The following EVC2 variants were observed in gnomAD, a reference collection of about 807,000 sequenced individuals.
EVC2 encodes the protein limbin.
In EVC2, 148 loss-of-function variants were observed where a neutral mutation model predicts 149.3. The observed-to-expected ratio is 0.99, with a 90% confidence interval of 0.87 to 1.14. The LOEUF (loss-of-function observed/expected upper bound fraction) is 1.14, where lower values mean the gene tolerates loss of function less well. EVC2 is among the 50% of genes most tolerant of loss of function. EVC2 has a pLI of 0.00. For missense variants in EVC2, 1,854 were observed against 1,627.3 expected, an observed-to-expected ratio of 1.14 and a Z score of -2.40; for synonymous variants, 776 against 649.9, an observed-to-expected ratio of 1.19 and a Z score of -2.95.
At chr4:5,680,561 C>T (rs1045789114) in intron 7 of EVC2, among the ~76,000 whole-genome samples, 4 of 152,220 alleles carry the variant, frequency 2.6e-5, no homozygotes, top group African/African-American at 7.2e-5. Flanking sequence ...AGAGAATCAC[C>T]GAACCCGGGG....
At chr4:5,601,543 A>C (rs1713982449) in intron 16 of EVC2, among the ~76,000 whole-genome samples, 1 of 151,622 alleles carries the variant, frequency 6.6e-6, no homozygotes, top group Non-Finnish European at 1.5e-5. Flanking sequence ...ACAATGGACG[A>C]GAGGTCAACA....
At position 5,567,059 on chromosome 4, in the gene EVC2, C is replaced by T. The variant is rs921119278; in HGVS notation, c.3557+1385G>A. On this transcript the variant is annotated intron_variant, in intron 20 of 21. Coordinates refer to ENST00000344408, the MANE Select transcript of EVC2 (RefSeq NM_147127.5). This position sits in a 1 kb window ranked among gnomAD's most constrained non-coding sequence, Gnocchi z 4.4. ...ACTGTCATCCTGTCACTGGACATTC[C>T]GTTTGGCAGAGGTGGCCTCCTTCTG... Among the ~76,000 whole-genome samples the T allele has an allele frequency of 5.3e-5, 8 of 152,230 alleles. No individual in the cohort carries two copies. The highest frequency in any genetic ancestry group is 2.1e-4 in the South Asian group (1 of 4,812).
intron 1 of EVC2, among the ~76,000 whole-genome samples, chr4:5,703,449 G>A (rs1479607112): frequency 6.6e-6 from 1 of 152,114 alleles, no homozygotes; most frequent in Non-Finnish European, 1.5e-5. Context: ...GAAGCATCAA[G>A]AGTACCCAAT....
In EVC2 at chr4:5,543,533, C is replaced by G. The variant is rs113096421; in HGVS notation, c.3420-321G>C. On this transcript the variant is annotated intron_variant and NMD_transcript_variant, in intron 21 of 22. Transcript: ENST00000475313. Reference sequence around the variant, plus strand: ...AGTATACCACAAATAACAAAATTGGCAAAAATACATTACAAATAAAAACCA... The same window carrying G: ...AGTATACCACAAATAACAAAATTGGGAAAAATACATTACAAATAAAAACCA... 4.7e-3 allele frequency among the ~76,000 whole-genome samples: 719 copies of G among 152,108 alleles called. 6 individuals carry two copies. Among genetic ancestry groups the G allele is most frequent in the African/African-American group, 0.016 (684 of 41,496 alleles).
rs1011210184 is a variant in EVC2, at chr4:5,615,298, T to A, written c.2829+124A>T. On this transcript the variant is annotated intron_variant, in intron 16 of 21. Transcript: ENST00000344408. ...TTTCTTACCTTAGCACCTGAGTGAG[T>A]GAGCGGTTGGGTGGAGATGGATGGC... is the stretch of plus-strand genomic sequence containing the variant. 14 of 1,493,936 alleles carry A rather than the reference T, an allele frequency of 9.4e-6. No individual in the cohort carries two copies. In the Admixed American group the frequency reaches 2.7e-4, roughly 28 times the overall value. The allele number at this position is 1,493,936 out of a possible 1,614,324, so 92.5% of individuals were successfully genotyped here.
At position 5,608,944 on chromosome 4, in the gene EVC2, A is replaced by T. The variant is rs552800150; in HGVS notation, c.2829+6478T>A. 2.2e-4 allele frequency among the ~76,000 whole-genome samples: 33 copies of T among 152,230 alleles called. 1 individual carries two copies. In the South Asian group the frequency reaches 6.2e-3, roughly 29 times the overall value. On this transcript the variant is annotated intron_variant, in intron 16 of 21. Coordinates refer to ENST00000344408, the MANE Select transcript of EVC2 (RefSeq NM_147127.5). ...AGAACAGAAAGTTGGGAAAAGGGTG[A>T]ATTCTCTTTCTCTTCCGGAGCTGGG...
intron 16 of EVC2, 108 bp from the exon 17 acceptor site, chr4:5,584,958 C>T: frequency 8.1e-7 from 1 of 1,236,786 alleles, no homozygotes; most frequent in Non-Finnish European, 1.2e-6. Context: ...CTGAGGACCA[C>T]CAAAAGTTTA....
At chr4:5,559,955 G>C (rs955358046), downstream of EVC2, among the ~76,000 whole-genome samples, 3 of 152,072 alleles carry the variant, frequency 2.0e-5, no homozygotes, top group African/African-American at 7.2e-5. The surrounding 1 kb of genome is among the most constrained non-coding windows in gnomAD (Gnocchi z 5.0). Context: ...ATCTGGGGGA[G>C]TCGTAAGCAC....
intron 6 of EVC2, among the ~76,000 whole-genome samples, chr4:5,684,763 G>C (rs1384130477): frequency 2.0e-5 from 3 of 152,192 alleles, no homozygotes; most frequent in Non-Finnish European, 4.4e-5. Flanking sequence ...TGCATTTGGA[G>C]ACAGGGTCTT....
rs1553827473 is a variant in EVC2 at position 5,610,795 on chromosome 4, T to TTTTC, written c.2829+4626_2829+4627insGAAA. 1.4e-3 allele frequency among the ~76,000 whole-genome samples: 71 copies of TTTTC among 51,424 alleles called. No individual in the cohort carries two copies. In the African/African-American group the frequency reaches 0.016, roughly 12 times the overall value. The allele number at this position is 51,424 out of a possible 152,430, so 33.7% of individuals were successfully genotyped here. On this transcript the variant is annotated intron_variant, in intron 16 of 21. Coordinates refer to ENST00000344408, the MANE Select transcript of EVC2 (RefSeq NM_147127.5). ...TATGTCTTGCTCCTTTTTCCTTTTC[T>TTTTC]TTTTTTTTTTTTTTTTGCCAAATGC...
intron 7 of EVC2, among the ~76,000 whole-genome samples, chr4:5,676,948 C>A (rs528978472): frequency 1.3e-5 from 2 of 152,248 alleles, no homozygotes; most frequent in African/African-American, 4.8e-5. Flanking sequence ...CCTAGCATCT[C>A]GCACTGAGCC....
At position 5,696,433 on chromosome 4, in the gene EVC2, C is replaced by A. The variant is rs1721481155; in HGVS notation, c.283+1160G>T. Among the ~76,000 whole-genome samples the A allele has an allele frequency of 1.3e-5, 2 of 152,144 alleles. No homozygotes were observed. The highest frequency in any genetic ancestry group is 4.1e-4 in the South Asian group (2 of 4,822). On this transcript the variant is annotated intron_variant, in intron 2 of 21. Coordinates refer to ENST00000344408, the MANE Select transcript of EVC2 (RefSeq NM_147127.5). The surrounding 1 kb of genome is among the most constrained non-coding windows in gnomAD (Gnocchi z 4.1). ...CAGGACACCAGAGTTAGGCACAGAACCCAGACAACCCCACCCAGTGGCCCC... is the reference window on the plus strand; with the variant it reads ...CAGGACACCAGAGTTAGGCACAGAAACCAGACAACCCCACCCAGTGGCCCC...
chr4:5,640,501 A>AGACCTGTC lies in EVC2; in HGVS notation c.1470+5_1470+12dup, dbSNP rs768795226. ...AAAGGGAAGTGAACGCCTTCCTTTC[A>AGACCTGTC]GACCTGTCTTACCCTCTCACCAGCA... is the stretch of plus-strand genomic sequence containing the variant. On this transcript the variant is annotated intron_variant, in intron 10 of 21. Transcript: ENST00000344408. This position sits in a 1 kb window ranked among gnomAD's most constrained non-coding sequence, Gnocchi z 4.6. The AGACCTGTC allele has an allele frequency of 6.2e-7, 1 of 1,614,086 alleles. No individual in the cohort carries two copies. Among genetic ancestry groups the AGACCTGTC allele is most frequent in the East Asian group, 2.2e-5 (1 of 44,864 alleles).
chr4:5,667,353 A>G (rs975774270), intron 7 of EVC2, among the ~76,000 whole-genome samples: 12 of 151,852 alleles, frequency 7.9e-5, no homozygotes, highest in African/African-American at 2.9e-4. Context: ...AAGAGATAAT[A>G]ATAATTATTA....
intron 16 of EVC2, among the ~76,000 whole-genome samples, chr4:5,603,554 T>C (rs1714156962): frequency 6.6e-6 from 1 of 152,238 alleles, no homozygotes; most frequent in African/African-American, 2.4e-5. Context: ...GAAGGACCAT[T>C]CCTGACAAGA....
chr4:5,623,034 C>T (rs765171202), intron 13 of EVC2, 43 bp from the exon 14 acceptor site: 30 of 1,589,786 alleles, frequency 1.9e-5, no homozygotes, highest in East Asian at 6.7e-5. Context: ...TGGGGCTTGG[C>T]GGGTACAGTC....
chr4:5,618,754 G>T lies in EVC2; in HGVS notation c.2502-72C>A. The T allele has an allele frequency of 7.2e-7, 1 of 1,390,318 alleles. No homozygotes were observed. Among genetic ancestry groups the T allele is most frequent in the Non-Finnish European group, 1.0e-6 (1 of 1,001,144 alleles). 86.1% of individuals were successfully genotyped at this position (1,390,318 alleles called of 1,614,324 possible). On this transcript the variant is annotated intron_variant, in intron 14 of 21. Transcript: ENST00000344408. The surrounding 1 kb of genome is among the most constrained non-coding windows in gnomAD (Gnocchi z 4.4). Reference sequence around the variant, plus strand: ...GGGCTGGGCTGGGGTGAAGAAGCCAGAGATGCAAAGCTCATTCCTCATATC... The same window carrying T: ...GGGCTGGGCTGGGGTGAAGAAGCCATAGATGCAAAGCTCATTCCTCATATC...
downstream of EVC2, among the ~76,000 whole-genome samples, chr4:5,540,843 T>A (rs892765669): frequency 1.3e-5 from 2 of 152,198 alleles, no homozygotes; most frequent in African/African-American, 4.8e-5. Flanking sequence ...ACAGTTTTTT[T>A]AACTGCCTTA....
rs527966450 is a variant in EVC2 at position 5,649,213 on chromosome 4, T to C, written c.1146-8375A>G. ...CTGCCTTCCCAGGAACATTTGTTTTTTTGAGGTCACAAAAATGTCATCTTG... is the reference window on the plus strand; with the variant it reads ...CTGCCTTCCCAGGAACATTTGTTTTCTTGAGGTCACAAAAATGTCATCTTG... On this transcript the variant is annotated intron_variant, in intron 9 of 21. Coordinates refer to ENST00000344408, the MANE Select transcript of EVC2 (RefSeq NM_147127.5). Among the ~76,000 whole-genome samples, 5 of 152,322 alleles carry C rather than the reference T, an allele frequency of 3.3e-5. No homozygotes were observed. In the South Asian group the frequency reaches 8.3e-4, roughly 25 times the overall value.
Sources: gnomAD v4.1 joint callset for allele counts (sites outside exome capture counted in the v4.1 genomes callset) on GRCh38, gnomAD v4.1.1 for gene constraint, Gnocchi (gnomAD v3.1) non-coding constraint, MANE v1.5 for transcripts, NCBI Gene and HGNC (gene_info 2026-07-23, HGNC 2026-07-21) for gene names.